PDE6B: variants seen among roughly 807,000 people sequenced by gnomAD.
PDE6B encodes phosphodiesterase 6B, also known as rod cGMP-specific 3',5'-cyclic phosphodiesterase subunit beta.
In PDE6B, 106 loss-of-function variants were observed where a neutral mutation model predicts 109.0. That is an observed-to-expected ratio of 0.97 (90% CI 0.83 to 1.14). The LOEUF (loss-of-function observed/expected upper bound fraction) is 1.14, where lower values mean the gene tolerates loss of function less well. Ranked by LOEUF, PDE6B falls within the 50% of genes most tolerant of loss-of-function variation. The pLI is 0.00. For missense variants in PDE6B, 1,193 were observed against 1,155.6 expected, an observed-to-expected ratio of 1.03 and a Z score of -0.47; for synonymous variants, 490 against 471.3, an observed-to-expected ratio of 1.04 and a Z score of -0.51.
intron 1 of PDE6B, among the ~76,000 whole-genome samples, chr4:632,270 G>T (rs558371048): frequency 1.9e-3 from 279 of 148,750 alleles, no homozygotes; most frequent in African/African-American, 6.6e-3. Flanking sequence ...GGCACTGTCT[G>T]GGGGTCACGT....
chr4:640,655 G>A (rs533356116), intron 3 of PDE6B, among the ~76,000 whole-genome samples: 23 of 152,262 alleles, frequency 1.5e-4, no homozygotes, highest in African/African-American at 5.3e-4. Flanking sequence ...TTGTCTGCTA[G>A]AGGTTGTATA....
chr4:656,385 A>G (rs933816569), intron 8 of PDE6B, 93 bp downstream of exon 8: 6 of 890,944 alleles, frequency 6.7e-6, no homozygotes, highest in Admixed American at 1.7e-5. Context: ...TTTGCCACTT[A>G]AAAAACAACT....
At chr4:628,962 C>T (rs1424095181) in intron 1 of PDE6B, among the ~76,000 whole-genome samples, 2 of 152,240 alleles carry the variant, frequency 1.3e-5, no homozygotes, top group Non-Finnish European at 2.9e-5. Flanking sequence ...CTGAGCACAA[C>T]CTTCCTGGAG....
At position 662,212 on chromosome 4, in the gene PDE6B, G is replaced by A. The variant is rs376023541; in HGVS notation, c.1693G>A (p.Val565Met). ...CCACAACTGGCGCCACGGCTTCAAC[G>A]TGGCCCAGACGATGTTCACGCTGCT... is the stretch of plus-strand genomic sequence containing the variant. The part of the protein sequence containing the change: ...TYHNWRHGFN[V>M]AQTMFTLLMT... Residue 565 changes from valine to methionine, a missense_variant, in exon 13 of 22, where the codon GTG (valine) becomes ATG (methionine). Physicochemically the swap from Val to Met is conservative, Grantham distance 21. Transcript: ENST00000496514. The surrounding 1 kb of genome is among the most constrained non-coding windows in gnomAD (Gnocchi z 4.3). 2.5e-6 allele frequency: 4 copies of A among 1,573,712 alleles called. No individual in the cohort carries two copies. Among genetic ancestry groups the A allele is most frequent in the East Asian group, 4.7e-5 (2 of 43,006 alleles).
chr4:647,214 G>C (rs1735249347), intron 3 of PDE6B, among the ~76,000 whole-genome samples: 1 of 151,988 alleles, frequency 6.6e-6, no homozygotes, highest in Non-Finnish European at 1.5e-5. Flanking sequence ...TGTCACATCT[G>C]AGTCTGGTTC....
intron 5 of PDE6B, 24 bp from the exon 6 acceptor site, chr4:654,800 C>CT (rs1560119813): frequency 2.3e-6 from 3 of 1,330,588 alleles, no homozygotes; most frequent in Non-Finnish European, 3.3e-6. Context: ...GGCAGCCCCC[C>CT]GACCAGTGTC....
chr4:630,378 C>T (rs553386270), intron 1 of PDE6B, among the ~76,000 whole-genome samples: 1 of 152,178 alleles, frequency 6.6e-6, no homozygotes, highest in African/African-American at 2.4e-5. Flanking sequence ...GTGGCTGTGG[C>T]CCGGCTGGTA....
chr4:664,160 C>G lies in PDE6B; in HGVS notation c.2068C>G (p.Gln690Glu), dbSNP rs1190475435. The G allele has an allele frequency of 3.1e-6, 5 of 1,612,342 alleles. No individual in the cohort carries two copies. The highest frequency in any genetic ancestry group is 4.2e-6 in the Non-Finnish European group (5 of 1,178,636). ...GATCGTGGATGAGTCCAAGAACTAC[C>G]AGGACAAGAAGAGCTGGGTGGAGTA... ...QKIVDESKNY[Q>E]DKKSWVEYLS... Residue 690 changes from glutamine (Q) to glutamate (E), a missense_variant, in exon 17 of 22, where the codon CAG (glutamine) becomes GAG (glutamate). By Grantham distance (29) the Gln-to-Glu change is conservative (BLOSUM62 2). Transcript: ENST00000496514.
At position 625,592 on chromosome 4, in the gene PDE6B, TG is replaced by T; in HGVS notation, c.-33del. On this transcript the variant is annotated 5_prime_UTR_variant, in exon 1 of 22. An upstream open reading frame in the 5' UTR gains an earlier in-frame stop. Coordinates refer to ENST00000496514, the MANE Select transcript of PDE6B (RefSeq NM_000283.4). The surrounding 1 kb of genome is among the most constrained non-coding windows in gnomAD (Gnocchi z 5.0). ...GGTTTCCTGGGAGTCCATGCGTGCC[TG>T]GAGCAGCAGCGTCTCCAGGGACAGG... 1 of 1,458,414 alleles carries T rather than the reference TG, an allele frequency of 6.9e-7. No individual in the cohort carries two copies. The highest frequency in any genetic ancestry group is 9.6e-7 in the Non-Finnish European group (1 of 1,038,378). 90.3% of individuals were successfully genotyped at this position (1,458,414 alleles called of 1,614,324 possible).
chr4:628,932 G>C (rs1734247530), intron 1 of PDE6B, among the ~76,000 whole-genome samples: 1 of 152,240 alleles, frequency 6.6e-6, no homozygotes, highest in African/African-American at 2.4e-5. Context: ...GCACAAGGGG[G>C]GCCCTGCCGG....
chr4:630,888 G>A (rs915457208), intron 1 of PDE6B, among the ~76,000 whole-genome samples: 24 of 152,342 alleles, frequency 1.6e-4, no homozygotes, highest in African/African-American at 5.8e-4. Context: ...GCACAGGCCT[G>A]GAAGGACCAG....
At chr4:652,470 C>T (rs933998762) in intron 3 of PDE6B, 11 of 983,892 alleles carry the variant, frequency 1.1e-5, no homozygotes, top group East Asian at 1.1e-4. Flanking sequence ...GCAAAGCGTT[C>T]GTTAGCTGGA....
intron 8 of PDE6B, among the ~76,000 whole-genome samples, chr4:656,513 C>T (rs1383838287): frequency 1.3e-5 from 2 of 151,516 alleles, no homozygotes; most frequent in African/African-American, 4.9e-5. Context: ...GTGACCGCGG[C>T]CCCCACACAC....
At chr4:654,959 G>A (rs1736037150) in intron 6 of PDE6B, 71 bp downstream of exon 6, 2 of 926,544 alleles carry the variant, frequency 2.2e-6, no homozygotes, top group Non-Finnish European at 1.8e-6. Flanking sequence ...TCAGCCCCCA[G>A]GGCCGTCCTC....
At chr4:655,764 C>T (rs965313515) in intron 6 of PDE6B, 176 bp from the exon 7 acceptor site, 3 of 672,890 alleles carry the variant, frequency 4.5e-6, no homozygotes, top group South Asian at 1.6e-5. Context: ...AGCCTGGCCC[C>T]TCTGACCCCT....
At position 665,378 on chromosome 4, in the gene PDE6B, C is replaced by A. The variant is rs778345754; in HGVS notation, c.2268+49C>A. On this transcript the variant is annotated intron_variant, in intron 19 of 21. Coordinates refer to ENST00000496514, the MANE Select transcript of PDE6B (RefSeq NM_000283.4). The surrounding 1 kb of genome is among the most constrained non-coding windows in gnomAD (Gnocchi z 4.0). The stretch of plus-strand genomic sequence containing the variant: ...CCACTCCTGAAACGGGTGTTAGAGA[C>A]CCCTCTTGGTCCTCAGGAGCCTCAG... The A allele has an allele frequency of 1.7e-4, 226 of 1,340,132 alleles. No individual in the cohort carries two copies. The highest frequency in any genetic ancestry group is 2.3e-4 in the Non-Finnish European group (212 of 933,284). The allele number at this position is 1,340,132 out of a possible 1,614,324, so 83.0% of individuals were successfully genotyped here. A position where few individuals can be genotyped will look rare whatever the true frequency, so the allele number is the denominator to read the frequency against.
intron 3 of PDE6B, among the ~76,000 whole-genome samples, chr4:639,177 C>T (rs1326554204): frequency 6.6e-6 from 1 of 151,706 alleles, no homozygotes; most frequent in African/African-American, 2.4e-5. Flanking sequence ...CAAGGCCTCA[C>T]TCTGCTGCCC....
intron 7 of PDE6B, 69 bp from the exon 8 acceptor site, chr4:656,176 G>T: frequency 8.4e-7 from 1 of 1,183,526 alleles, no homozygotes; most frequent in Non-Finnish European, 1.3e-6. Context: ...CAGGGCCACA[G>T]AGGCCATTTT....
At chr4:628,359 C>T (rs1440951810) in intron 1 of PDE6B, among the ~76,000 whole-genome samples, 4 of 152,202 alleles carry the variant, frequency 2.6e-5, no homozygotes, top group South Asian at 2.1e-4. Flanking sequence ...GAGAGCAGCT[C>T]GTGGCTGTGG....
Sources: allele counts gnomAD v4.1 joint callset (sites outside exome capture counted in the v4.1 genomes callset), GRCh38; gene constraint gnomAD v4.1.1; non-coding constraint Gnocchi (gnomAD v3.1); transcripts MANE v1.5; gene names NCBI Gene and HGNC (gene_info 2026-07-23, HGNC 2026-07-21).